NRCAM: variants seen among roughly 807,000 people sequenced by gnomAD.
NRCAM encodes the protein NgCAM-related cell adhesion molecule.
A neutral mutation model predicts 156.5 loss-of-function variants in NRCAM; 83 were observed. The ratio of observed to expected loss-of-function variants is 0.53; its 90% CI spans 0.44 to 0.64. The LOEUF (loss-of-function observed/expected upper bound fraction) is 0.64, where lower values mean the gene tolerates loss of function less well. NRCAM is among the 30% of genes least tolerant of loss of function. The pLI, the probability that NRCAM is intolerant of heterozygous loss-of-function variation, is 0.00. For synonymous variants in NRCAM, 538 were observed against 563.9 expected (o/e 0.95, Z 0.65); for missense variants, 1,417 against 1,597.3 (o/e 0.89, Z 1.92).
At chr7:108,217,197 G>C (rs1412051034) in intron 11 of NRCAM, among the ~76,000 whole-genome samples, 2 of 152,220 alleles carry the variant, frequency 1.3e-5, no homozygotes, top group Non-Finnish European at 2.9e-5. Flanking sequence ...GTCTGCTGGA[G>C]TTTGCTGGAG....
chr7:108,454,740 T>C (rs1854501026), intron 1 of NRCAM, among the ~76,000 whole-genome samples: 1 of 152,210 alleles, frequency 6.6e-6, no homozygotes, highest in Non-Finnish European at 1.5e-5. Context: ...GGGGAGCTCC[T>C]GGTGCACAAC....
At chr7:108,250,212 A>T (rs1416161396) in intron 3 of NRCAM, among the ~76,000 whole-genome samples, 1 of 152,136 alleles carries the variant, frequency 6.6e-6, no homozygotes, top group Non-Finnish European at 1.5e-5. Flanking sequence ...TGAGCTTAGG[A>T]GTTCAAAACC....
At chr7:108,454,933 T>C (rs1314145297) in intron 1 of NRCAM, among the ~76,000 whole-genome samples, 1 of 152,174 alleles carries the variant, frequency 6.6e-6, no homozygotes, top group Non-Finnish European at 1.5e-5. Flanking sequence ...GAGCCCCTGA[T>C]GCGAAGAAAA....
Position 108,294,193 on chromosome 7 carries a change from G to GTTTT in NRCAM, c.-107+18468_-107+18471dup, listed in dbSNP as rs56717039. ...GGAAAAGCCAGCACTTTCTTTACTG[G>GTTTT]TTTTTTTTTTTTTTTTTTTTTTTTT... On this transcript the variant is annotated intron_variant, in intron 3 of 32. Transcript: ENST00000379028. 3.0e-4 allele frequency among the ~76,000 whole-genome samples: 26 copies of GTTTT among 87,956 alleles called. No homozygotes were observed. The East Asian group carries it at 5.3e-3, about 18-fold the overall frequency. 57.7% of individuals were successfully genotyped at this position (87,956 alleles called of 152,430 possible).
intron 1 of NRCAM, among the ~76,000 whole-genome samples, chr7:108,420,459 A>G (rs2154433924): frequency 1.3e-5 from 2 of 152,324 alleles, no homozygotes; most frequent in South Asian, 2.1e-4. Flanking sequence ...AAATAGGCGA[A>G]TAGATTCTTA....
chr7:108,448,427 G>A (rs1198462459), intron 1 of NRCAM, among the ~76,000 whole-genome samples: 2 of 152,134 alleles, frequency 1.3e-5, no homozygotes, highest in Admixed American at 1.3e-4. Flanking sequence ...CAGAAGAAAA[G>A]ACTATGTCGA....
intron 20 of NRCAM, among the ~76,000 whole-genome samples, 189 bp from the exon 21 acceptor site, chr7:108,184,803 G>A (rs1417057871): frequency 6.6e-6 from 1 of 151,954 alleles, no homozygotes; most frequent in Non-Finnish European, 1.5e-5. Flanking sequence ...AAACACACAT[G>A]ATAACATTTT....
intron 2 of NRCAM, among the ~76,000 whole-genome samples, chr7:108,396,653 T>A (rs576207938): frequency 6.6e-6 from 1 of 152,390 alleles, no homozygotes; most frequent in Admixed American, 6.5e-5. Flanking sequence ...TCTGGTTTAA[T>A]CATTACACAG....
chr7:108,380,756 C>T (rs556628867), intron 2 of NRCAM, among the ~76,000 whole-genome samples: 44 of 152,254 alleles, frequency 2.9e-4, no homozygotes, highest in African/African-American at 1.0e-3. Context: ...ACTGCAGCCT[C>T]AGCTTCCTGG....
intron 2 of NRCAM, among the ~76,000 whole-genome samples, chr7:108,349,498 C>T (rs56056000): frequency 6.6e-6 from 1 of 151,718 alleles, no homozygotes; most frequent in African/African-American, 2.4e-5. Flanking sequence ...TTGATCTCCT[C>T]ACCTTGTGAT....
chr7:108,231,579 C>T (rs148086133), intron 7 of NRCAM, among the ~76,000 whole-genome samples: 12 of 152,130 alleles, frequency 7.9e-5, no homozygotes, highest in East Asian at 5.8e-4. Context: ...GGAATATACA[C>T]GATATGTCAA....
At chr7:108,388,374 T>C (rs1309559189) in intron 2 of NRCAM, among the ~76,000 whole-genome samples, 2 of 152,236 alleles carry the variant, frequency 1.3e-5, no homozygotes, top group East Asian at 1.9e-4. Flanking sequence ...GAAATGTCTG[T>C]TCGTATCCTT....
intron 2 of NRCAM, among the ~76,000 whole-genome samples, 189 bp from the exon 3 acceptor site, chr7:108,312,920 A>G (rs1295908566): frequency 6.6e-6 from 1 of 152,210 alleles, no homozygotes; most frequent in Non-Finnish European, 1.5e-5. Context: ...CAAAAGTGAC[A>G]GCAGAGAAGT....
chr7:108,215,803 G>A (rs944571691), intron 11 of NRCAM, among the ~76,000 whole-genome samples: 2 of 146,018 alleles, frequency 1.4e-5, no homozygotes, highest in Non-Finnish European at 3.0e-5. Flanking sequence ...GCCTATGTGT[G>A]TATTTGCACA....
chr7:108,456,482 C>G (rs2154513520), upstream of NRCAM: 1 of 151,706 alleles, frequency 6.6e-6, no homozygotes, highest in Admixed American at 6.6e-5. Context: ...CCTCTCCGCT[C>G]CCCCTCCCCG....
At chr7:108,341,179 G>T (rs2099272445) in intron 2 of NRCAM, among the ~76,000 whole-genome samples, 2 of 152,226 alleles carry the variant, frequency 1.3e-5, no homozygotes, top group Non-Finnish European at 2.9e-5. Flanking sequence ...TGCCCCAGGG[G>T]ACAAAGGTCC....
intron 3 of NRCAM, among the ~76,000 whole-genome samples, chr7:108,303,042 A>C (rs1288432216): frequency 6.6e-6 from 1 of 152,006 alleles, no homozygotes; most frequent in Non-Finnish European, 1.5e-5. Context: ...GCTCACTGCA[A>C]CCTCTGCCTC....
At position 108,195,869 on chromosome 7, in the gene NRCAM, T is replaced by C. The variant is rs149504744; in HGVS notation, c.1355A>G (p.Glu452Gly). 85 of 1,592,940 alleles carry C rather than the reference T, an allele frequency of 5.3e-5. No individual in the cohort carries two copies. The East Asian group carries it at 1.9e-3, about 35-fold the overall frequency. Residue 452 changes from glutamate (E) to glycine (G), a missense_variant, in exon 15 of 33, where the codon GAG becomes GGG. Around this residue, in one of 2 missense-constraint regions of NRCAM, gnomAD observed 1,238 missense variants for 1,336.4 expected, o/e 0.93. Transcript: ENST00000379028. The stretch of plus-strand genomic sequence containing the variant: ...TGCAGGTGTGAGGATTCGTGGTGGC[T>C]CAGCTACAAATATTTTTAAAAGGTA... ...LANAFVNVLA[E>G]PPRILTPANT...
At chr7:108,269,531 G>A (rs1190506437) in intron 3 of NRCAM, among the ~76,000 whole-genome samples, 1 of 152,134 alleles carries the variant, frequency 6.6e-6, no homozygotes, top group East Asian at 1.9e-4. Context: ...GGAGGGAAAG[G>A]ATGGGTGACG....
Sources: allele counts gnomAD v4.1 joint callset (sites outside exome capture counted in the v4.1 genomes callset), GRCh38; gene constraint gnomAD v4.1.1; regional missense constraint gnomAD v4.1.1; transcripts MANE v1.5; gene names NCBI Gene and HGNC (gene_info 2026-07-23, HGNC 2026-07-21).